The following PPA2 variants were observed in gnomAD, a reference collection of about 807,000 sequenced individuals.
The protein encoded by PPA2 is inorganic pyrophosphatase 2, mitochondrial.
In PPA2, 48 loss-of-function variants were observed where a neutral mutation model predicts 49.5. The ratio of observed to expected loss-of-function variants is 0.97; its 90% CI spans 0.77 to 1.23. The LOEUF (loss-of-function observed/expected upper bound fraction) is 1.23, where lower values mean the gene tolerates loss of function less well. PPA2 is among the 50% of genes most tolerant of loss of function. PPA2 has a pLI of 0.00. For missense variants in PPA2, 429 were observed against 410.1 expected, an observed-to-expected ratio of 1.05 and a Z score of -0.40; for synonymous variants, 131 against 139.9, an observed-to-expected ratio of 0.94 and a Z score of 0.45.
chr4:105,448,868 C>A (rs889397182), intron 4 of PPA2, among the ~76,000 whole-genome samples: 1 of 151,920 alleles, frequency 6.6e-6, no homozygotes, highest in Admixed American at 6.6e-5. Flanking sequence ...AAAAAAAACT[C>A]TCTATAAAAC....
chr4:105,393,146 T>C (rs1387369953), intron 9 of PPA2, among the ~76,000 whole-genome samples: 1 of 152,126 alleles, frequency 6.6e-6, no homozygotes, highest in African/African-American at 2.4e-5. Flanking sequence ...CAAGAAAGGT[T>C]ATCTAAATCT....
rs1055252251 is a variant in PPA2, at chr4:105,439,783, C to T, written c.442-1747G>A. Among the ~76,000 whole-genome samples, 32 of 150,954 alleles carry T rather than the reference C, an allele frequency of 2.1e-4. 1 individual carries two copies. The highest frequency in any genetic ancestry group is 1.6e-3 in the Admixed American group (24 of 15,150). ...CATGTGTCATGTTGCTGTGCTGCAC[C>T]CATTAACTCGTCATTTAGCATTAGG... On this transcript the variant is annotated intron_variant, in intron 5 of 11. Transcript: ENST00000341695.
intron 1 of PPA2, among the ~76,000 whole-genome samples, chr4:105,466,182 CTTTT>C (rs886744368): frequency 6.6e-6 from 1 of 151,848 alleles, no homozygotes; most frequent in African/African-American, 2.4e-5. Context: ...CCAACTCTTC[CTTTT>C]TTTTATAGCA....
At chr4:105,391,344 C>CAAAAAAAAAAAAA (rs11373169) in intron 9 of PPA2, among the ~76,000 whole-genome samples, 5 of 102,506 alleles carry the variant, frequency 4.9e-5, no homozygotes, top group Non-Finnish European at 5.6e-5. Flanking sequence ...CTTAAAGTAA[C>CAAAAAAAAAAAAA]AAAAAAAAAA....
At chr4:105,456,824 C>T in intron 1 of PPA2, 79 bp from the exon 2 acceptor site, 1 of 1,079,972 alleles carries the variant, frequency 9.3e-7, no homozygotes. Flanking sequence ...AATAAACATC[C>T]TTATCCACTT....
At chr4:105,373,766 T>TACACACACACACAC (rs36109695) in intron 10 of PPA2, among the ~76,000 whole-genome samples, 1 of 148,390 alleles carries the variant, frequency 6.7e-6, no homozygotes, top group African/African-American at 2.5e-5. Flanking sequence ...TATATTTAAA[T>TACACACACACACAC]ACACACACAC....
chr4:105,388,825 C>CAAAAAAA lies in PPA2; in HGVS notation c.870-2196_870-2190dup, dbSNP rs771537412. Among the ~76,000 whole-genome samples the CAAAAAAA allele has an allele frequency of 7.6e-4, 43 of 56,832 alleles. 1 individual carries two copies. Among genetic ancestry groups the CAAAAAAA allele is most frequent in the African/African-American group, 2.1e-3 (42 of 19,676 alleles). The allele number at this position is 56,832 out of a possible 152,430, so 37.3% of individuals were successfully genotyped here. A position where few individuals can be genotyped will look rare whatever the true frequency, so the allele number is the denominator to read the frequency against. ...GGGTGACAGAGCAAGGCAACGTCTC[C>CAAAAAAA]AAAAAAAAAAGAAAAAAAAAAAAAT... On this transcript the variant is annotated intron_variant, in intron 9 of 11. Coordinates refer to ENST00000341695, the MANE Select transcript of PPA2 (RefSeq NM_176869.3).
chr4:105,396,145 T>C, intron 9 of PPA2, 104 bp downstream of exon 9: 1 of 639,816 alleles, frequency 1.6e-6, no homozygotes, highest in Admixed American at 3.1e-5. Context: ...ATAATCTGTA[T>C]TGTTTAAATT....
intron 10 of PPA2, among the ~76,000 whole-genome samples, chr4:105,376,198 A>C (rs1402299837): frequency 6.6e-6 from 1 of 152,222 alleles, no homozygotes; most frequent in African/African-American, 2.4e-5. Flanking sequence ...ATAGATGGCC[A>C]CACTACATGC....
intron 7 of PPA2, among the ~76,000 whole-genome samples, chr4:105,414,257 G>A (rs1181469571): frequency 6.6e-6 from 1 of 152,220 alleles, no homozygotes; most frequent in Admixed American, 6.5e-5. Flanking sequence ...ATAATATCTA[G>A]TAAAATTTTG....
intron 6 of PPA2, among the ~76,000 whole-genome samples, chr4:105,428,528 A>G (rs1723636416): frequency 6.7e-6 from 1 of 149,048 alleles, no homozygotes; most frequent in Admixed American, 6.7e-5. Context: ...ATGGAAAGCA[A>G]AAAAAAAAAA....
At chr4:105,392,273 C>CA (rs902620414) in intron 9 of PPA2, among the ~76,000 whole-genome samples, 42 of 147,384 alleles carry the variant, frequency 2.8e-4, no homozygotes, top group Non-Finnish European at 3.6e-4. Context: ...ACAACAACAA[C>CA]AAAAAAAAAA....
chr4:105,376,760 G>A (rs1160866034), intron 10 of PPA2, among the ~76,000 whole-genome samples: 1 of 152,120 alleles, frequency 6.6e-6, no homozygotes, highest in African/African-American at 2.4e-5. Context: ...CCTGGAGTTA[G>A]GCTGTGCACA....
At chr4:105,392,799 C>T (rs1331185011) in intron 9 of PPA2, among the ~76,000 whole-genome samples, 1 of 152,104 alleles carries the variant, frequency 6.6e-6, no homozygotes, top group Non-Finnish European at 1.5e-5. Flanking sequence ...CATCTTTATT[C>T]ATCTGCTCTT....
chr4:105,460,526 T>A (rs1048438598), intron 1 of PPA2, among the ~76,000 whole-genome samples: 3 of 152,164 alleles, frequency 2.0e-5, no homozygotes, highest in African/African-American at 7.2e-5. Context: ...CATCAATCTG[T>A]GATTGTCCTC....
chr4:105,469,421 AAGTG>A (rs1723435209), intron 1 of PPA2, among the ~76,000 whole-genome samples: 1 of 152,242 alleles, frequency 6.6e-6, no homozygotes, highest in South Asian at 2.1e-4. Flanking sequence ...ACACTAGAGC[AAGTG>A]AGAAAATTGA....
At chr4:105,437,686 G>A (rs1024952681) in intron 6 of PPA2, among the ~76,000 whole-genome samples, 1 of 152,156 alleles carries the variant, frequency 6.6e-6, no homozygotes, top group Admixed American at 6.5e-5. Context: ...TAGTGTAAAA[G>A]CAGTCATAGA....
chr4:105,413,344 A>G lies in PPA2; in HGVS notation c.655+10852T>C, dbSNP rs533985930. Among the ~76,000 whole-genome samples the G allele has an allele frequency of 3.3e-5, 5 of 152,264 alleles. No individual in the cohort carries two copies. The South Asian group carries it at 1.0e-3, about 32-fold the overall frequency. Reference sequence around the variant, plus strand: ...GGGGGTGGGGGACTGGGGGAGGGATAGTATTAGGAGAAATACCTAATGTAA... The same window carrying G: ...GGGGGTGGGGGACTGGGGGAGGGATGGTATTAGGAGAAATACCTAATGTAA... On this transcript the variant is annotated intron_variant, in intron 7 of 11. Transcript: ENST00000341695.
chr4:105,386,744 A>G, intron 9 of PPA2, 108 bp from the exon 10 acceptor site: 1 of 794,250 alleles, frequency 1.3e-6, no homozygotes, highest in Middle Eastern at 2.8e-4. Context: ...TATAATTTTA[A>G]CCAATGAATA....
Sources: gnomAD v4.1 joint callset for allele counts (sites outside exome capture counted in the v4.1 genomes callset) on GRCh38, gnomAD v4.1.1 for gene constraint, MANE v1.5 for transcripts, NCBI Gene and HGNC (gene_info 2026-07-23, HGNC 2026-07-21) for gene names.